LIN52: variants seen among roughly 807,000 people sequenced by gnomAD.
LIN52 encodes protein lin-52 homolog.
LIN52 carries 4 observed loss-of-function variants against 18.5 expected under a neutral mutation model. The ratio of observed to expected loss-of-function variants is 0.22; its 90% CI spans 0.11 to 0.49. The LOEUF (loss-of-function observed/expected upper bound fraction) is 0.49, where lower values mean the gene tolerates loss of function less well. Ranked by LOEUF, LIN52 falls within the 20% of genes least tolerant of loss-of-function variation. The probability of loss-of-function intolerance (pLI) is 0.97; values close to 1 mark genes in which losing one functional copy is unlikely to be tolerated. For missense variants in LIN52, 102 were observed against 139.5 expected (o/e 0.73, Z 1.35); for synonymous variants, 34 against 45.5 (o/e 0.75, Z 1.02).
chr14:74,192,075 TCATTTGTGTTACC>T (rs1434426131), intron 5 of LIN52, among the ~76,000 whole-genome samples: 2 of 149,590 alleles, frequency 1.3e-5, no homozygotes, highest in South Asian at 4.2e-4. Flanking sequence ...CAGATGCAAG[TCATTTGTGTTACC>T]ATTTATCTTG....
intron 5 of LIN52, among the ~76,000 whole-genome samples, chr14:74,187,539 C>T (rs2061346431): frequency 6.6e-6 from 1 of 152,118 alleles, no homozygotes; most frequent in African/African-American, 2.4e-5. Flanking sequence ...AAAACAACTT[C>T]ATTATCCATT....
chr14:74,194,675 A>G (rs970963023), intron 5 of LIN52, among the ~76,000 whole-genome samples: 2 of 152,224 alleles, frequency 1.3e-5, no homozygotes, highest in African/African-American at 4.8e-5. Context: ...TGATCTATGT[A>G]CGACATAATA....
chr14:74,126,002 A>G (rs2061027838), intron 5 of LIN52, among the ~76,000 whole-genome samples: 1 of 151,124 alleles, frequency 6.6e-6, no homozygotes, highest in African/African-American at 2.4e-5. Flanking sequence ...ACTAACCTGC[A>G]CGTTGTGCAC....
At chr14:74,141,559 A>T (rs1371154143) in intron 5 of LIN52, among the ~76,000 whole-genome samples, 4 of 152,192 alleles carry the variant, frequency 2.6e-5, no homozygotes, top group African/African-American at 9.7e-5. Flanking sequence ...TTTTACATGA[A>T]GTGATTTTCC....
At chr14:74,167,279 G>GGA (rs1342206618) in intron 5 of LIN52, among the ~76,000 whole-genome samples, 1 of 152,114 alleles carries the variant, frequency 6.6e-6, no homozygotes, top group Non-Finnish European at 1.5e-5. Flanking sequence ...TTTGGCTATA[G>GGA]AATCACATGT....
intron 5 of LIN52, among the ~76,000 whole-genome samples, chr14:74,160,766 C>G (rs2061220924): frequency 6.6e-6 from 1 of 152,124 alleles, no homozygotes; most frequent in Admixed American, 6.5e-5. Flanking sequence ...AGACACTTTG[C>G]TCAGTGTGAT....
intron 5 of LIN52, among the ~76,000 whole-genome samples, chr14:74,160,426 C>A (rs945814722): frequency 6.6e-6 from 1 of 152,052 alleles, no homozygotes; most frequent in East Asian, 1.9e-4. Context: ...AATTAGGTCC[C>A]CAAGGTTGCT....
intron 2 of LIN52, among the ~76,000 whole-genome samples, chr14:74,094,878 C>T (rs186928213): frequency 6.6e-6 from 1 of 151,614 alleles, no homozygotes; most frequent in Non-Finnish European, 1.5e-5. Flanking sequence ...CAGGCACATG[C>T]CGCCACACCC....
chr14:74,175,541 AT>A (rs1256643423), intron 5 of LIN52, among the ~76,000 whole-genome samples: 2 of 151,872 alleles, frequency 1.3e-5, no homozygotes, highest in African/African-American at 4.8e-5. Context: ...AAAAAAAAAA[AT>A]AGAAATTAGC....
At chr14:74,130,278 G>GTTTTTTTTTTTGTTTTTTTT (rs2061055285) in intron 5 of LIN52, among the ~76,000 whole-genome samples, 3 of 64,824 alleles carry the variant, frequency 4.6e-5, no homozygotes, top group African/African-American at 6.3e-5. Context: ...GCATTTTTTG[G>GTTTTTTTTTTTGTTTTTTTT]TTTTTTTTTT....
At chr14:74,146,450 C>T (rs563978320) in intron 5 of LIN52, among the ~76,000 whole-genome samples, 1 of 152,148 alleles carries the variant, frequency 6.6e-6, no homozygotes, top group South Asian at 2.1e-4. Flanking sequence ...GGTTCACTAG[C>T]CAGCTAAGTG....
chr14:74,174,547 TGC>T (rs1454983795), intron 5 of LIN52: 3 of 152,090 alleles, frequency 2.0e-5, no homozygotes, highest in African/African-American at 7.3e-5. Context: ...TAGCCTGTAG[TGC>T]GCTATGCCAA....
At chr14:74,151,081 T>C (rs2061175159) in intron 5 of LIN52, among the ~76,000 whole-genome samples, 1 of 152,164 alleles carries the variant, frequency 6.6e-6, no homozygotes, top group Admixed American at 6.6e-5. Flanking sequence ...GAGTCATTAA[T>C]TGAGGTCACC....
rs2078939616 is a variant in LIN52 at position 74,200,284 on chromosome 14, A to ATG, written c.*1308_*1309dup. The stretch of plus-strand genomic sequence containing the variant: ...AAAAATTAGCTGGGCATGATGGTGC[A>ATG]TGCCTATAGTCCCAGCTACTTGGGG... On this transcript the variant is annotated 3_prime_UTR_variant, in exon 6 of 6. Transcript: ENST00000555028. 8.3e-6 allele frequency: 1 copy of ATG among 120,410 alleles called. No homozygotes were observed. Among genetic ancestry groups the ATG allele is most frequent in the African/African-American group, 2.9e-5 (1 of 35,036 alleles). The allele number at this position is 120,410 out of a possible 1,614,324, so 7.5% of individuals were successfully genotyped here. A position where few individuals can be genotyped will look rare whatever the true frequency, so the allele number is the denominator to read the frequency against.
intron 5 of LIN52, among the ~76,000 whole-genome samples, chr14:74,136,753 C>T (rs949868068): frequency 6.6e-6 from 1 of 152,080 alleles, no homozygotes; most frequent in Non-Finnish European, 1.5e-5. Context: ...AATATAGGTG[C>T]TGGAGAATGA....
chr14:74,134,096 T>G (rs2061083830), intron 5 of LIN52, among the ~76,000 whole-genome samples: 1 of 152,242 alleles, frequency 6.6e-6, no homozygotes. Flanking sequence ...CCTAGTCAGC[T>G]CTTTAATTTC....
intron 5 of LIN52, among the ~76,000 whole-genome samples, chr14:74,125,938 A>G (rs1409419582): frequency 1.3e-5 from 2 of 151,478 alleles, no homozygotes; most frequent in Non-Finnish European, 2.9e-5. Context: ...ACCTAATGTT[A>G]AATGATGAGT....
intron 1 of LIN52, among the ~76,000 whole-genome samples, chr14:74,088,770 CA>C (rs1004203104): frequency 6.6e-6 from 1 of 152,066 alleles, no homozygotes; most frequent in African/African-American, 2.4e-5. Flanking sequence ...TGTGGTTACC[CA>C]GAAAATGTTA....
At chr14:74,104,977 C>T (rs554698580) in intron 5 of LIN52, among the ~76,000 whole-genome samples, 10 of 152,258 alleles carry the variant, frequency 6.6e-5, no homozygotes, top group South Asian at 4.1e-4. Context: ...TGTCATTTCT[C>T]TCATTGACTA....
Sources: gnomAD v4.1 joint callset for allele counts (sites outside exome capture counted in the v4.1 genomes callset) on GRCh38, gnomAD v4.1.1 for gene constraint, MANE v1.5 for transcripts, NCBI Gene and HGNC (gene_info 2026-07-23, HGNC 2026-07-21) for gene names.